PDE12: variants seen among roughly 807,000 people sequenced by gnomAD.
The protein encoded by PDE12 is phosphodiesterase 12.
Under a neutral mutation model 45.4 loss-of-function variants are expected in PDE12, and 26 were observed. That is an observed-to-expected ratio of 0.57 (90% CI 0.42 to 0.79). PDE12 has a LOEUF of 0.79. Among genes scored for constraint, PDE12 ranks in the 30% least tolerant of loss-of-function variants. The pLI is 0.00. For missense variants in PDE12, 668 were observed against 790.0 expected (o/e 0.85, Z 1.85); for synonymous variants, 283 against 323.9 (o/e 0.87, Z 1.36).
chr3:57,629,660 T>C, the PDE12 span, among the ~76,000 whole-genome samples: 9 of 150,750 alleles, frequency 6.0e-5, no homozygotes, highest in East Asian at 1.2e-3. Context: ...TACAGGCGCC[T>C]GCCACCACGC....
At chr3:57,604,022 T>C in the PDE12 span, among the ~76,000 whole-genome samples, 8 of 151,506 alleles carry the variant, frequency 5.3e-5, no homozygotes, top group Non-Finnish European at 8.8e-5. Context: ...CCTCCCAAGT[T>C]CAAGCAGTTC....
chr3:57,640,838 C>T, the PDE12 span, among the ~76,000 whole-genome samples: 1 of 152,092 alleles, frequency 6.6e-6, no homozygotes, highest in East Asian at 1.9e-4. Flanking sequence ...GACTCATGTC[C>T]TTAATTAATG....
the PDE12 span, chr3:57,630,383 C>G: frequency 2.7e-6 from 4 of 1,498,502 alleles, no homozygotes; most frequent in South Asian, 5.1e-5. Context: ...TTATTTTCAA[C>G]AGTTGTTAAT....
chr3:57,610,261 A>T, the PDE12 span, among the ~76,000 whole-genome samples: 2 of 152,168 alleles, frequency 1.3e-5, no homozygotes, highest in East Asian at 3.8e-4. Context: ...ATTTATGACA[A>T]ACCCACAGCC....
the PDE12 span, among the ~76,000 whole-genome samples, chr3:57,639,657 A>G: frequency 6.6e-6 from 1 of 152,196 alleles, no homozygotes; most frequent in African/African-American, 2.4e-5. Flanking sequence ...TGCCATTTAC[A>G]GAGTACCATG....
the PDE12 span, chr3:57,633,208 A>G: frequency 2.1e-6 from 3 of 1,433,192 alleles, no homozygotes; most frequent in South Asian, 3.5e-5. Flanking sequence ...CGGGAAAAAC[A>G]TTTATATACC....
chr3:57,607,242 A>G, the PDE12 span, among the ~76,000 whole-genome samples: 2 of 152,204 alleles, frequency 1.3e-5, no homozygotes, highest in Non-Finnish European at 2.9e-5. Flanking sequence ...CCCCACCTGT[A>G]CATCACCATC....
the PDE12 span, among the ~76,000 whole-genome samples, chr3:57,637,144 A>G: frequency 3.9e-5 from 6 of 152,142 alleles, no homozygotes; most frequent in Non-Finnish European, 5.9e-5. Flanking sequence ...TCTTCACAAT[A>G]AGAGTTTATT....
At chr3:57,635,111 T>C in the PDE12 span, among the ~76,000 whole-genome samples, 3 of 152,220 alleles carry the variant, frequency 2.0e-5, no homozygotes, top group Non-Finnish European at 4.4e-5. Flanking sequence ...ATTTAGATGC[T>C]GAATAGGAAT....
At chr3:57,610,912 G>A in the PDE12 span, among the ~76,000 whole-genome samples, 315 of 152,216 alleles carry the variant, frequency 2.1e-3, 1 homozygote, top group Non-Finnish European at 3.7e-3. Flanking sequence ...AACCCAAAAA[G>A]AGCCCGCATT....
chr3:57,639,446 C>T, the PDE12 span, among the ~76,000 whole-genome samples: 1 of 152,172 alleles, frequency 6.6e-6, no homozygotes, highest in Non-Finnish European at 1.5e-5. Flanking sequence ...ACTTCTTCCA[C>T]TGGAAAGAGA....
At chr3:57,654,501 G>A in the PDE12 span, 1 of 469,830 alleles carries the variant, frequency 2.1e-6, no homozygotes, top group Non-Finnish European at 2.8e-6. Flanking sequence ...GAACAGGGGA[G>A]AGAAGCAGGT....
chr3:57,570,521 GTTAT>G (rs1403687730), downstream of PDE12, among the ~76,000 whole-genome samples: 3 of 151,634 alleles, frequency 2.0e-5, no homozygotes, highest in Non-Finnish European at 4.4e-5. Context: ...CCTGGCCATT[GTTAT>G]TTATTTGACA....
downstream of PDE12, among the ~76,000 whole-genome samples, chr3:57,569,189 G>A (rs547389047): frequency 6.6e-6 from 1 of 152,012 alleles, no homozygotes; most frequent in South Asian, 2.1e-4. Context: ...GTGATTTTAT[G>A]TTTGCATAAA....
At chr3:57,617,525 C>T in the PDE12 span, among the ~76,000 whole-genome samples, 1 of 152,156 alleles carries the variant, frequency 6.6e-6, no homozygotes, top group Non-Finnish European at 1.5e-5. Context: ...TATTGCAGCA[C>T]TATTCACAAT....
At chr3:57,605,251 C>T in the PDE12 span, among the ~76,000 whole-genome samples, 1 of 152,034 alleles carries the variant, frequency 6.6e-6, no homozygotes, top group Admixed American at 6.6e-5. Context: ...GACAGAATTC[C>T]AGAGAGGAGA....
the PDE12 span, among the ~76,000 whole-genome samples, chr3:57,581,900 T>G: frequency 6.6e-6 from 1 of 152,224 alleles, no homozygotes; most frequent in Non-Finnish European, 1.5e-5. Context: ...TACATACATG[T>G]GAGTTTATTA....
rs1188532014 is a variant in PDE12 at position 57,560,015 on chromosome 3, A to G, written c.*11A>G. On this transcript the variant is annotated 3_prime_UTR_variant, in exon 3 of 3. Coordinates refer to ENST00000311180, the MANE Select transcript of PDE12 (RefSeq NM_177966.7). ...TTAAAATGGAAATAGATGTGTGTTT[A>G]ATGGAATTGAAGTCTGAAAAGGAAG... 9 of 1,584,154 alleles carry G rather than the reference A, an allele frequency of 5.7e-6. No individual in the cohort carries two copies. Among genetic ancestry groups the G allele is most frequent in the Non-Finnish European group, 7.7e-6 (9 of 1,168,484 alleles).
the PDE12 span, among the ~76,000 whole-genome samples, chr3:57,593,982 G>A: frequency 5.3e-5 from 8 of 152,220 alleles, no homozygotes; most frequent in Non-Finnish European, 1.2e-4. Context: ...CTGGCTGGGT[G>A]TGATGGCTCA....
Sources: allele counts gnomAD v4.1 joint callset (sites outside exome capture counted in the v4.1 genomes callset), GRCh38; gene constraint gnomAD v4.1.1; transcripts MANE v1.5; gene names NCBI Gene and HGNC (gene_info 2026-07-23, HGNC 2026-07-21).